CD44: variants seen among roughly 807,000 people sequenced by gnomAD.
The protein encoded by CD44 is CD44 antigen.
A neutral mutation model predicts 88.8 loss-of-function variants in CD44; 49 were observed. The ratio of observed to expected loss-of-function variants is 0.55; its 90% CI spans 0.44 to 0.70. CD44 has a LOEUF of 0.70. Among genes scored for constraint, CD44 ranks in the 30% least tolerant of loss-of-function variants. The pLI is 0.00. For missense variants in CD44, 883 were observed against 913.8 expected (o/e 0.97, Z 0.43); for synonymous variants, 325 against 312.3 (o/e 1.04, Z -0.43).
intron 1 of CD44, among the ~76,000 whole-genome samples, chr11:35,160,308 A>T (rs1590961723): frequency 6.6e-6 from 1 of 152,218 alleles, no homozygotes; most frequent in Admixed American, 6.5e-5. Context: ...CTTTCCCTCC[A>T]GCTTCGATGG....
At chr11:35,222,111 A>T (rs1435014074) in intron 17 of CD44, among the ~76,000 whole-genome samples, 2 of 152,252 alleles carry the variant, frequency 1.3e-5, no homozygotes, top group Non-Finnish European at 2.9e-5. Flanking sequence ...TCTCACCAGG[A>T]AGGCACACAA....
intron 1 of CD44, among the ~76,000 whole-genome samples, chr11:35,166,293 C>T (rs1337192304): frequency 6.6e-6 from 1 of 152,174 alleles, no homozygotes; most frequent in African/African-American, 2.4e-5. Context: ...TCGTCAAAGA[C>T]TACTTGGTGT....
At chr11:35,142,240 G>A (rs1291212176) in intron 1 of CD44, among the ~76,000 whole-genome samples, 1 of 152,046 alleles carries the variant, frequency 6.6e-6, no homozygotes, top group Non-Finnish European at 1.5e-5. Context: ...GGAAGTCAGT[G>A]TGGCGATTCC....
intron 15 of CD44, among the ~76,000 whole-genome samples, chr11:35,217,112 A>T (rs184409184): frequency 2.0e-5 from 3 of 147,014 alleles, no homozygotes; most frequent in African/African-American, 7.3e-5. Flanking sequence ...CTGCTATCTC[A>T]CATCCATCTT....
intron 3 of CD44, among the ~76,000 whole-genome samples, chr11:35,181,778 A>C (rs184420555): frequency 0.022 from 2,199 of 101,174 alleles, 81 homozygotes; most frequent in African/African-American, 0.084. Flanking sequence ...ATTTATATTT[A>C]TTTATATAAA....
intron 14 of CD44, among the ~76,000 whole-genome samples, chr11:35,211,674 ATGTGTGTGTGTGTGTG>A (rs57790931): frequency 6.7e-6 from 1 of 149,026 alleles, no homozygotes; most frequent in Non-Finnish European, 1.5e-5. Flanking sequence ...CTGTGTTTGC[ATGTGTGTGTGTGTGTG>A]TGTGTGTGTG....
Position 35,177,727 on chromosome 11 carries a change from C to T in CD44, c.233+987C>T, listed in dbSNP as rs370142581. On this transcript the variant is annotated intron_variant, in intron 2 of 17. Transcript: ENST00000428726. The stretch of plus-strand genomic sequence containing the variant: ...CACATTATGAGTGATGGCTGAGACT[C>T]TTGCTGAAAGGGAAAAGGAAAGTCT... Among the ~76,000 whole-genome samples, 12 of 152,344 alleles carry T rather than the reference C, an allele frequency of 7.9e-5. No homozygotes were observed. In the South Asian group the frequency reaches 2.3e-3, roughly 29 times the overall value.
chr11:35,163,222 C>T (rs76725835), intron 1 of CD44, among the ~76,000 whole-genome samples: 1,846 of 151,666 alleles, frequency 0.012, 49 homozygotes, highest in African/African-American at 0.043. Flanking sequence ...CTATTGGCCA[C>T]CAAGTGCCAA....
chr11:35,141,632 T>C (rs1261032859), intron 1 of CD44, among the ~76,000 whole-genome samples: 1 of 152,224 alleles, frequency 6.6e-6, no homozygotes, highest in Non-Finnish European at 1.5e-5. Flanking sequence ...TATTTGGCAC[T>C]GTCCTAACCC....
chr11:35,227,923 G>A (rs932774275), intron 17 of CD44, among the ~76,000 whole-genome samples: 1 of 152,174 alleles, frequency 6.6e-6, no homozygotes, highest in Non-Finnish European at 1.5e-5. Context: ...ACCTCTTTTG[G>A]CCTCAGTTTC....
chr11:35,201,729 T>TC lies in CD44; in HGVS notation c.1099dup (p.Leu367ProfsTer5). 1 of 1,613,384 alleles carries TC rather than the reference T, an allele frequency of 6.2e-7. No homozygotes were observed. The highest frequency in any genetic ancestry group is 8.5e-7 in the Non-Finnish European group (1 of 1,179,400). On this transcript the variant is annotated frameshift_variant, in exon 9 of 18. Transcript: ENST00000428726. LOFTEE classifies it high-confidence loss of function. ...GAAACTGGAACCCAGAAGCACACCCTCCCCTCATTCACCATGAGCATCATG... is the reference window on the plus strand; with the variant it reads ...GAAACTGGAACCCAGAAGCACACCCTCCCCCTCATTCACCATGAGCATCATG...
At chr11:35,154,980 T>C (rs1431939588) in intron 1 of CD44, among the ~76,000 whole-genome samples, 1 of 152,194 alleles carries the variant, frequency 6.6e-6, no homozygotes, top group Non-Finnish European at 1.5e-5. Context: ...ACCCCTCATG[T>C]TCCTAAACTA....
Position 35,198,252 on chromosome 11 carries a change from A to T in CD44, c.922+6A>T. 1 of 1,613,690 alleles carries T rather than the reference A, an allele frequency of 6.2e-7. No homozygotes were observed. Among genetic ancestry groups the T allele is most frequent in the South Asian group, 1.1e-5 (1 of 91,060 alleles). ...AGATTTTATCTCCAGCACCAGTAAG[A>T]ATAATCAATTACAGTACAGCCATTT... is the stretch of plus-strand genomic sequence containing the variant. On this transcript the variant is annotated splice_donor_region_variant and intron_variant, in intron 7 of 17. Transcript: ENST00000428726.
At chr11:35,150,495 C>T (rs143242320) in intron 1 of CD44, among the ~76,000 whole-genome samples, 1 of 152,272 alleles carries the variant, frequency 6.6e-6, no homozygotes, top group East Asian at 1.9e-4. Context: ...GATTGCACGA[C>T]TTAGGATTTT....
At chr11:35,198,549 C>G (rs1005496589) in intron 7 of CD44, 1 of 292,688 alleles carries the variant, frequency 3.4e-6, no homozygotes, top group Non-Finnish European at 6.4e-6. Context: ...TAAAACAGTA[C>G]AAAAAATGTA....
intron 17 of CD44, among the ~76,000 whole-genome samples, 175 bp from the exon 18 acceptor site, chr11:35,228,954 G>A: frequency 6.6e-6 from 1 of 152,178 alleles, no homozygotes; most frequent in Non-Finnish European, 1.5e-5. Context: ...GAGTCTGGTT[G>A]TTAAGTGCTG....
In CD44 at chr11:35,208,790, C is replaced by T. The variant is rs374062148; in HGVS notation, c.1516+584C>T. ...CAAATTCTAGTAGCCTTAATTTCTA[C>T]TCTATGTGCAGGGATGTCCTAGAGA... is the stretch of plus-strand genomic sequence containing the variant. On this transcript the variant is annotated intron_variant, in intron 12 of 17. Coordinates refer to ENST00000428726, the MANE Select transcript of CD44 (RefSeq NM_000610.4). Among the ~76,000 whole-genome samples the T allele has an allele frequency of 2.6e-5, 4 of 152,198 alleles. No individual in the cohort carries two copies. The South Asian group carries it at 6.2e-4, about 24-fold the overall frequency.
At chr11:35,206,087 A>C (rs1311402845) in intron 10 of CD44, 25 bp from the exon 11 acceptor site, 1 of 1,583,704 alleles carries the variant, frequency 6.3e-7, no homozygotes, top group Non-Finnish European at 8.6e-7. Context: ...ACACTTTGAC[A>C]ATTGCTCAAA....
intron 1 of CD44, among the ~76,000 whole-genome samples, chr11:35,146,466 A>G (rs1024427427): frequency 6.6e-6 from 1 of 152,216 alleles, no homozygotes; most frequent in Middle Eastern, 3.2e-3. Context: ...AACCCTCACC[A>G]CTATTAGTAA....
Sources: gnomAD v4.1 joint callset for allele counts (sites outside exome capture counted in the v4.1 genomes callset) on GRCh38, gnomAD v4.1.1 for gene constraint, MANE v1.5 for transcripts, NCBI Gene and HGNC (gene_info 2026-07-23, HGNC 2026-07-21) for gene names.